The following SUGCT variants were observed in gnomAD, a reference collection of about 807,000 sequenced individuals.
The protein encoded by SUGCT is succinyl-CoA:glutarate-CoA transferase.
In SUGCT, 41 loss-of-function variants were observed where a neutral mutation model predicts 55.0. The observed-to-expected ratio is 0.74, with a 90% confidence interval of 0.58 to 0.97. The LOEUF is 0.97. Ranked by LOEUF, SUGCT falls within the 50% of genes least tolerant of loss-of-function variation. The pLI is 0.00. For synonymous variants in SUGCT, 187 were observed against 200.4 expected (o/e 0.93, Z 0.56); for missense variants, 568 against 547.8 (o/e 1.04, Z -0.37).
intron 9 of SUGCT, among the ~76,000 whole-genome samples, chr7:40,317,101 A>T (rs1017442378): frequency 6.6e-6 from 1 of 151,006 alleles, no homozygotes; most frequent in African/African-American, 2.4e-5. Context: ...TGCTGAAAGT[A>T]AGTGCCTTTT....
At chr7:40,484,017 A>G (rs1791198502) in intron 11 of SUGCT, among the ~76,000 whole-genome samples, 1 of 152,204 alleles carries the variant, frequency 6.6e-6, no homozygotes, top group Non-Finnish European at 1.5e-5. Context: ...TACTGTTACT[A>G]TGCAGTGTGC....
chr7:40,748,187 G>A (rs934983200), intron 12 of SUGCT, among the ~76,000 whole-genome samples: 4 of 152,030 alleles, frequency 2.6e-5, no homozygotes, highest in Admixed American at 6.6e-5. Flanking sequence ...ACTTTGGGGT[G>A]TATGTAGGAG....
chr7:40,657,758 T>A (rs922570090), intron 12 of SUGCT, among the ~76,000 whole-genome samples: 4 of 152,192 alleles, frequency 2.6e-5, no homozygotes, highest in South Asian at 4.1e-4. Flanking sequence ...CTGATCTTGA[T>A]CTCCTGACCT....
chr7:41,007,863 A>ATTT, the SUGCT span, among the ~76,000 whole-genome samples: 1 of 144,112 alleles, frequency 6.9e-6, no homozygotes, highest in Admixed American at 7.0e-5. Context: ...GGTCTTATGT[A>ATTT]TTTTTTTTAA....
At chr7:41,006,854 G>T in the SUGCT span, among the ~76,000 whole-genome samples, 24 of 152,182 alleles carry the variant, frequency 1.6e-4, no homozygotes, top group Non-Finnish European at 2.9e-4. Flanking sequence ...TCATTGCAAT[G>T]ATTACATAGA....
intron 12 of SUGCT, among the ~76,000 whole-genome samples, chr7:40,517,690 G>A (rs952006926): frequency 6.6e-6 from 1 of 152,046 alleles, no homozygotes; most frequent in African/African-American, 2.4e-5. Context: ...CTCTAAGCAT[G>A]TCTTTCTTTG....
intron 3 of SUGCT, among the ~76,000 whole-genome samples, chr7:40,187,042 C>G (rs1785556868): frequency 6.6e-6 from 1 of 152,114 alleles, no homozygotes; most frequent in Non-Finnish European, 1.5e-5. Flanking sequence ...ACCCAAATGT[C>G]CAACAATGAT....
At chr7:40,315,882 T>C (rs10227399) in intron 8 of SUGCT, among the ~76,000 whole-genome samples, 85,320 of 151,912 alleles carry the variant, frequency 0.56, 25,325 homozygotes, top group Non-Finnish European at 0.67. Context: ...CATAGTTCTG[T>C]GGTGGTGGAG....
intron 9 of SUGCT, among the ~76,000 whole-genome samples, chr7:40,326,399 ATAGTTTC>A (rs1210238214): frequency 1.3e-5 from 2 of 152,302 alleles, no homozygotes; most frequent in African/African-American, 4.8e-5. Context: ...TTTGTGAATA[ATAGTTTC>A]TATGAAAATA....
intron 12 of SUGCT, among the ~76,000 whole-genome samples, chr7:40,664,905 G>T (rs1436226781): frequency 2.0e-5 from 3 of 148,990 alleles, no homozygotes; most frequent in Admixed American, 2.0e-4. Context: ...GCGTGAACCC[G>T]GGAGGCGTAG....
chr7:41,002,124 G>A, the SUGCT span, among the ~76,000 whole-genome samples: 375 of 152,248 alleles, frequency 2.5e-3, no homozygotes, highest in Non-Finnish European at 4.4e-3. Context: ...GGATGCAAGC[G>A]ATTCTCCTGC....
chr7:40,933,850 G>A, the SUGCT span, among the ~76,000 whole-genome samples: 1 of 152,048 alleles, frequency 6.6e-6, no homozygotes, highest in Non-Finnish European at 1.5e-5. Flanking sequence ...TTTTTTCAAG[G>A]TTTTTAGCTT....
chr7:41,008,489 C>T, the SUGCT span, among the ~76,000 whole-genome samples: 1 of 152,202 alleles, frequency 6.6e-6, no homozygotes, highest in Admixed American at 6.5e-5. Flanking sequence ...GGATCACCCT[C>T]TCTTTCCCCG....
intron 7 of SUGCT, 81 bp from the exon 8 acceptor site, chr7:40,274,432 T>A: frequency 6.9e-7 from 1 of 1,454,246 alleles, no homozygotes; most frequent in Non-Finnish European, 9.4e-7. Flanking sequence ...TTTTTCTATT[T>A]CACATTAGAA....
intron 11 of SUGCT, among the ~76,000 whole-genome samples, chr7:40,489,635 C>T (rs1791572417): frequency 1.3e-5 from 2 of 152,108 alleles, no homozygotes; most frequent in Admixed American, 6.5e-5. Flanking sequence ...GAGCCAAGAT[C>T]ACACCACTGC....
chr7:40,643,066 C>A (rs190214098), intron 12 of SUGCT, among the ~76,000 whole-genome samples: 30 of 152,264 alleles, frequency 2.0e-4, no homozygotes, highest in Admixed American at 4.6e-4. Flanking sequence ...TAATTACTTG[C>A]CACTTTGCAA....
chr7:40,670,807 A>G (rs1725517224), intron 12 of SUGCT, among the ~76,000 whole-genome samples: 1 of 152,194 alleles, frequency 6.6e-6, no homozygotes, highest in South Asian at 2.1e-4. Context: ...GAAACCTTCA[A>G]GCCCAGATGA....
chr7:40,248,321 A>G (rs546538020), intron 7 of SUGCT, among the ~76,000 whole-genome samples: 74 of 151,970 alleles, frequency 4.9e-4, no homozygotes, highest in African/African-American at 1.5e-3. Flanking sequence ...TATAGTTTTG[A>G]TTCTTACTTT....
chr7:40,966,480 C>A, the SUGCT span: 1 of 152,168 alleles, frequency 6.6e-6, no homozygotes. Context: ...GGAATAAATT[C>A]CTGTGACAAA....
Sources: gnomAD v4.1 joint callset for allele counts (sites outside exome capture counted in the v4.1 genomes callset) on GRCh38, gnomAD v4.1.1 for gene constraint, MANE v1.5 for transcripts, NCBI Gene and HGNC (gene_info 2026-07-23, HGNC 2026-07-21) for gene names.